Variants in RRM1 observed in about 807,000 individuals in gnomAD.
RRM1 encodes ribonucleoside-diphosphate reductase large subunit.
RRM1 carries 19 observed loss-of-function variants against 101.5 expected under a neutral mutation model. The ratio of observed to expected loss-of-function variants is 0.19; its 90% CI spans 0.13 to 0.27. The LOEUF is 0.27. RRM1 is among the 10% of genes least tolerant of loss of function. The pLI, the probability that RRM1 is intolerant of heterozygous loss-of-function variation, is 1.00. For synonymous variants in RRM1, 298 were observed against 323.4 expected, an observed-to-expected ratio of 0.92 and a Z score of 0.84; for missense variants, 500 against 962.9, an observed-to-expected ratio of 0.52 and a Z score of 6.36.
At chr11:4,098,333 G>C (rs1307438336) in intron 1 of RRM1, among the ~76,000 whole-genome samples, 3 of 105,222 alleles carry the variant, frequency 2.9e-5, no homozygotes, top group Non-Finnish European at 3.6e-5. Flanking sequence ...CTCCCTCCTT[G>C]CTTCCTTCCT....
At chr11:4,138,150 T>A in intron 18 of RRM1, 45 bp from the exon 19 acceptor site, 1 of 1,138,646 alleles carries the variant, frequency 8.8e-7, no homozygotes, top group Non-Finnish European at 1.3e-6. Flanking sequence ...ATGTCTAGTA[T>A]TCTCACAGAG....
intron 1 of RRM1, among the ~76,000 whole-genome samples, chr11:4,100,342 G>A (rs565480868): frequency 1.6e-4 from 25 of 152,312 alleles, no homozygotes; most frequent in African/African-American, 6.0e-4. Context: ...TTCAGGTTGA[G>A]TATCCCTTAT....
At chr11:4,121,842 CT>C in intron 10 of RRM1, 77 bp downstream of exon 10, 1 of 1,389,514 alleles carries the variant, frequency 7.2e-7, no homozygotes, top group Non-Finnish European at 9.8e-7. Flanking sequence ...TTAAGTCATG[CT>C]TAGGAAGAGC....
intron 5 of RRM1, 98 bp from the exon 6 acceptor site, chr11:4,111,503 G>A (rs1353430763): frequency 2.3e-5 from 15 of 664,022 alleles, no homozygotes; most frequent in Non-Finnish European, 3.2e-5. Flanking sequence ...TTATAGAAAC[G>A]GCGAAGATTT....
chr11:4,116,284 G>A (rs924850518), intron 7 of RRM1: 1 of 152,294 alleles, frequency 6.6e-6, no homozygotes, highest in South Asian at 2.1e-4. Context: ...TCGCCATCTT[G>A]GAGTCTTCAC....
In RRM1 at chr11:4,134,057, A is replaced by G. The variant is rs188535356; in HGVS notation, c.2001+399A>G. On this transcript the variant is annotated intron_variant, in intron 17 of 18. Transcript: ENST00000300738. ...GAGTGCAGTGGTGGAATCATGGCTC[A>G]CTGCAACCTCTGCCTCCTAGGTTCA... Among the ~76,000 whole-genome samples, 3 of 132,322 alleles carry G rather than the reference A, an allele frequency of 2.3e-5. No homozygotes were observed. The East Asian group carries it at 6.6e-4, about 29-fold the overall frequency. 86.8% of individuals were successfully genotyped at this position (132,322 alleles called of 152,430 possible). A position where few individuals can be genotyped will look rare whatever the true frequency, so the allele number is the denominator to read the frequency against.
chr11:4,128,705 G>A (rs1038972124), intron 14 of RRM1, among the ~76,000 whole-genome samples: 1 of 152,118 alleles, frequency 6.6e-6, no homozygotes, highest in East Asian at 1.9e-4. Flanking sequence ...CTAATGTGTG[G>A]TTATTAGAAA....
intron 1 of RRM1, among the ~76,000 whole-genome samples, chr11:4,095,523 CT>C (rs990107104): frequency 6.6e-5 from 10 of 152,148 alleles, no homozygotes; most frequent in Non-Finnish European, 1.2e-4. Flanking sequence ...AGGAGGGGGC[CT>C]CTCTACCCTC....
At chr11:4,122,323 T>A in intron 11 of RRM1, 103 bp downstream of exon 11, 1 of 816,784 alleles carries the variant, frequency 1.2e-6, no homozygotes, top group Non-Finnish European at 1.9e-6. Context: ...TTTTGAAGCA[T>A]CTAAGAGAAA....
At chr11:4,122,507 CT>C (rs1442600653) in intron 11 of RRM1, among the ~76,000 whole-genome samples, 1 of 152,086 alleles carries the variant, frequency 6.6e-6, no homozygotes, top group Non-Finnish European at 1.5e-5. Context: ...TCATATAGTA[CT>C]TTTGATAAGC....
Position 4,132,535 on chromosome 11 carries a change from T to G in RRM1, c.1905+114T>G, listed in dbSNP as rs919388874. On this transcript the variant is annotated intron_variant, in intron 16 of 18. Coordinates refer to ENST00000300738, the MANE Select transcript of RRM1 (RefSeq NM_001033.5). This position sits in a 1 kb window ranked among gnomAD's most constrained non-coding sequence, Gnocchi z 4.1. ...TTCTTAGTTTGGGTGCAAACTTTGA[T>G]AAAGACAGTCATCTTCATCTCTAAT... 2 of 996,214 alleles carry G rather than the reference T, an allele frequency of 2.0e-6. No individual in the cohort carries two copies. Among genetic ancestry groups the G allele is most frequent in the Non-Finnish European group, 3.0e-6 (2 of 660,412 alleles). The allele number at this position is 996,214 out of a possible 1,614,324, so 61.7% of individuals were successfully genotyped here. A position where few individuals can be genotyped will look rare whatever the true frequency, so the allele number is the denominator to read the frequency against.
intron 15 of RRM1, among the ~76,000 whole-genome samples, chr11:4,130,524 A>G (rs1379572662): frequency 6.6e-6 from 1 of 152,036 alleles, no homozygotes; most frequent in Non-Finnish European, 1.5e-5. Context: ...GGCGAAACTT[A>G]GTCTCTACTA....
intron 7 of RRM1, chr11:4,116,062 C>G (rs1485816449): frequency 1.3e-5 from 2 of 152,174 alleles, no homozygotes; most frequent in Non-Finnish European, 2.9e-5. Context: ...GTTCACTGGT[C>G]CGCAGGGGGA....
rs146784165 is a variant in RRM1, at chr11:4,131,716, CCTT to C, written c.1770-566_1770-564del. ...TCTCTTATTAGTCAAAAGATGTTAA[CCTT>C]CTTGCAGGAACTTATAATTGAAGAA... is the stretch of plus-strand genomic sequence containing the variant. On this transcript the variant is annotated intron_variant, in intron 15 of 18. Coordinates refer to ENST00000300738, the MANE Select transcript of RRM1 (RefSeq NM_001033.5). Among the ~76,000 whole-genome samples the C allele has an allele frequency of 9.6e-4, 146 of 152,258 alleles. 1 individual carries two copies. Among genetic ancestry groups the C allele is most frequent in the Middle Eastern group, 3.4e-3 (1 of 294 alleles).
intron 12 of RRM1, among the ~76,000 whole-genome samples, chr11:4,125,444 C>T (rs539456577): frequency 1.3e-5 from 2 of 152,276 alleles, no homozygotes; most frequent in South Asian, 4.1e-4. Flanking sequence ...ATCAGTACTT[C>T]ATTCCTTTCC....
rs1399213341 is a variant in RRM1 at position 4,122,079 on chromosome 11, C to T, written c.1039-62C>T. 18 of 1,266,420 alleles carry T rather than the reference C, an allele frequency of 1.4e-5. No individual in the cohort carries two copies. The African/African-American group carries it at 1.6e-4, about 12-fold the overall frequency. 78.4% of individuals were successfully genotyped at this position (1,266,420 alleles called of 1,614,324 possible). A position where few individuals can be genotyped will look rare whatever the true frequency, so the allele number is the denominator to read the frequency against. On this transcript the variant is annotated intron_variant, in intron 10 of 18. Coordinates refer to ENST00000300738, the MANE Select transcript of RRM1 (RefSeq NM_001033.5). Reference sequence around the variant, plus strand: ...AAGTCACCTTATGCTTGCAGTGTTTCTAATGGATTATGGTTGGCTATTTGA... The same window carrying T: ...AAGTCACCTTATGCTTGCAGTGTTTTTAATGGATTATGGTTGGCTATTTGA...
At chr11:4,120,526 A>G (rs1258814664) in intron 9 of RRM1, among the ~76,000 whole-genome samples, 1 of 151,924 alleles carries the variant, frequency 6.6e-6, no homozygotes, top group African/African-American at 2.4e-5. Flanking sequence ...CACCACACCC[A>G]GCTAATTTTT....
rs995506995 is a variant in RRM1 at position 4,138,322 on chromosome 11, A to G, written c.2318A>G (p.Asn773Ser). The G allele has an allele frequency of 6.2e-7, 1 of 1,613,038 alleles. No individual in the cohort carries two copies. The highest frequency in any genetic ancestry group is 1.1e-5 in the South Asian group (1 of 90,826). ...VSKEEEEKER[N>S]TAAMVCSLEN... ...AAAGAGGAAGAAGAGAAGGAGAGGAACACAGCAGCCATGGTGTGCTCTTTG... is the reference window on the plus strand; with the variant it reads ...AAAGAGGAAGAAGAGAAGGAGAGGAGCACAGCAGCCATGGTGTGCTCTTTG... The change falls in exon 19 of 19, where the codon AAC becomes AGC. Residue 773 changes from asparagine (N) to serine (S), a missense_variant. This residue lies in a region of RRM1 where 33 missense variants were observed against 40.7 expected (regional missense o/e 0.81). Transcript: ENST00000300738.
intron 2 of RRM1, among the ~76,000 whole-genome samples, chr11:4,102,950 C>T (rs186991926): frequency 3.3e-5 from 5 of 152,292 alleles, no homozygotes; most frequent in Admixed American, 1.3e-4. Context: ...TCTTCAAACT[C>T]GTCTTCCACC....
Sources: allele counts gnomAD v4.1 joint callset (sites outside exome capture counted in the v4.1 genomes callset), GRCh38; gene constraint gnomAD v4.1.1; regional missense constraint gnomAD v4.1.1; non-coding constraint Gnocchi (gnomAD v3.1); transcripts MANE v1.5; gene names NCBI Gene and HGNC (gene_info 2026-07-23, HGNC 2026-07-21).